Variants in BAZ2B observed in about 807,000 individuals in gnomAD.
The protein encoded by BAZ2B is bromodomain adjacent to zinc finger domain protein 2B.
BAZ2B carries 91 observed loss-of-function variants against 246.0 expected under a neutral mutation model. That is an observed-to-expected ratio of 0.37 (90% CI 0.31 to 0.44). The LOEUF (loss-of-function observed/expected upper bound fraction) is 0.44. Among genes scored for constraint, BAZ2B ranks in the 20% least tolerant of loss-of-function variants. The pLI, the probability that BAZ2B is intolerant of heterozygous loss-of-function variation, is 1.00. For synonymous variants in BAZ2B, 855 were observed against 860.0 expected, an observed-to-expected ratio of 0.99 and a Z score of 0.10; for missense variants, 2,332 against 2,533.7, an observed-to-expected ratio of 0.92 and a Z score of 1.71.
intron 25 of BAZ2B, among the ~76,000 whole-genome samples, chr2:159,379,757 T>C (rs2061787289): frequency 6.6e-6 from 1 of 152,218 alleles, no homozygotes. Flanking sequence ...CATTGATAAA[T>C]TCATCTCTCT....
intron 31 of BAZ2B, among the ~76,000 whole-genome samples, chr2:159,343,396 T>C (rs146090715): frequency 1.3e-4 from 19 of 151,970 alleles, no homozygotes; most frequent in African/African-American, 4.3e-4. Context: ...AATAAACAAA[T>C]GCAACTACAT....
At chr2:159,346,261 A>T (rs904823506) in intron 31 of BAZ2B, among the ~76,000 whole-genome samples, 2 of 152,244 alleles carry the variant, frequency 1.3e-5, no homozygotes, top group African/African-American at 4.8e-5. Context: ...GATCCTCAAA[A>T]GTGTCCAAAT....
intron 2 of BAZ2B, among the ~76,000 whole-genome samples, chr2:159,496,691 G>C (rs2081191933): frequency 6.7e-6 from 1 of 148,308 alleles, no homozygotes; most frequent in South Asian, 2.1e-4. Context: ...GCTGAGGCAG[G>C]AGAATCGCTT....
intron 17 of BAZ2B, among the ~76,000 whole-genome samples, chr2:159,399,172 G>A (rs2064547249): frequency 6.6e-6 from 1 of 152,122 alleles, no homozygotes; most frequent in Admixed American, 6.6e-5. Flanking sequence ...AAATAATTGA[G>A]TGTTTATGTT....
chr2:159,404,818 T>A, intron 16 of BAZ2B, 31 bp downstream of exon 16: 1 of 1,581,640 alleles, frequency 6.3e-7, no homozygotes, highest in Non-Finnish European at 8.6e-7. Flanking sequence ...AGTCCCATAT[T>A]TTAAAAGTCA....
rs546932199 is a variant in BAZ2B at position 159,356,034 on chromosome 2, C to T, written c.4214-5677G>A. ...CTCCGGTGCCTATGCCACCAGGGTCCTGGGTTTCAAGCACAAAACTGGGTG... is the reference window on the plus strand; with the variant it reads ...CTCCGGTGCCTATGCCACCAGGGTCTTGGGTTTCAAGCACAAAACTGGGTG... On this transcript the variant is annotated intron_variant, in intron 27 of 36. Coordinates refer to ENST00000392783, the MANE Select transcript of BAZ2B (RefSeq NM_013450.4). 2.6e-5 allele frequency among the ~76,000 whole-genome samples: 4 copies of T among 152,320 alleles called. No homozygotes were observed. The South Asian group carries it at 8.3e-4, about 32-fold the overall frequency.
chr2:159,357,323 A>G (rs2059220789), intron 27 of BAZ2B, among the ~76,000 whole-genome samples: 1 of 152,060 alleles, frequency 6.6e-6, no homozygotes, highest in Admixed American at 6.6e-5. Flanking sequence ...GAACTTCAGA[A>G]AGCACACACA....
intron 3 of BAZ2B, among the ~76,000 whole-genome samples, chr2:159,476,936 G>A (rs1273561087): frequency 6.6e-6 from 1 of 152,188 alleles, no homozygotes; most frequent in Non-Finnish European, 1.5e-5. Flanking sequence ...TTGCGTATAA[G>A]GGAAATGTGA....
intron 2 of BAZ2B, among the ~76,000 whole-genome samples, chr2:159,501,337 G>A (rs2081808143): frequency 7.0e-6 from 1 of 142,986 alleles, no homozygotes. Flanking sequence ...TGAGGCTGCA[G>A]TGGGCTGTGA....
intron 13 of BAZ2B, among the ~76,000 whole-genome samples, 181 bp from the exon 14 acceptor site, chr2:159,412,726 T>G (rs562075662): frequency 2.0e-5 from 3 of 152,354 alleles, no homozygotes; most frequent in Admixed American, 2.0e-4. Flanking sequence ...GCCTTTGGCA[T>G]AGCTTTAATA....
At chr2:159,697,151 G>C in the BAZ2B span, among the ~76,000 whole-genome samples, 2 of 152,098 alleles carry the variant, frequency 1.3e-5, no homozygotes, top group Admixed American at 6.6e-5. Flanking sequence ...GATTTTCAGA[G>C]TAATGCATTT....
chr2:159,619,712 T>C (rs1375934788), upstream of BAZ2B, among the ~76,000 whole-genome samples: 1 of 152,030 alleles, frequency 6.6e-6, no homozygotes, highest in Non-Finnish European at 1.5e-5. Flanking sequence ...CTCCAAGTAT[T>C]TGATACCTTC....
chr2:159,410,964 G>A (rs554590502), intron 14 of BAZ2B, among the ~76,000 whole-genome samples: 1 of 152,308 alleles, frequency 6.6e-6, no homozygotes, highest in South Asian at 2.1e-4. Flanking sequence ...GCATGTGTGT[G>A]TATGTGTGTA....
At chr2:159,513,426 C>A (rs1000298553) in intron 2 of BAZ2B, among the ~76,000 whole-genome samples, 3 of 152,024 alleles carry the variant, frequency 2.0e-5, no homozygotes, top group Non-Finnish European at 2.9e-5. Context: ...TGGGTTGTAC[C>A]CACTCTGTAA....
rs972151800 is a variant in BAZ2B, at chr2:159,428,389, A to G, written c.2286T>C (p.Phe762=). 1.9e-6 allele frequency: 3 copies of G among 1,613,198 alleles called. No homozygotes were observed. Among genetic ancestry groups the G allele is most frequent in the Admixed American group, 3.3e-5 (2 of 59,970 alleles). ...GWQRETRIRN[F]GGRLQGEVAY... ...CTACTTCTCCTTGAAGGCGCCCTCC[A>G]AAGTTTCTTATTCTTGTCTCTCTCT... Residue 762 remains phenylalanine (F), a synonymous_variant, in exon 12 of 37, where the codon TTT becomes TTC. Transcript: ENST00000392783.
At chr2:159,397,123 C>A (rs1043036938) in intron 19 of BAZ2B, 37 of 1,467,930 alleles carry the variant, frequency 2.5e-5, no homozygotes, top group Non-Finnish European at 3.3e-5. Context: ...GTTGGCACAA[C>A]ATTATGAAAC....
Position 159,349,857 on chromosome 2 carries a change from A to G in BAZ2B, c.4714T>C (p.Ser1572Pro). The change falls in exon 28 of 37, where the codon TCA (serine) becomes CCA (proline). Residue 1572 changes from serine (S) to proline (P), a missense_variant. Coordinates refer to ENST00000392783, the MANE Select transcript of BAZ2B (RefSeq NM_013450.4). The part of the protein sequence containing the change: ...LLPRTPCDDT[S>P]LTHADMSTAS... ...GTTGACATATCGGCATGAGTAAGTG[A>G]AGTGTCATCACAGGGTGTTCGTGGC... 1 of 1,614,192 alleles carries G rather than the reference A, an allele frequency of 6.2e-7. No homozygotes were observed.
At chr2:159,630,629 G>C in the BAZ2B span, among the ~76,000 whole-genome samples, 4 of 151,900 alleles carry the variant, frequency 2.6e-5, no homozygotes, top group African/African-American at 4.8e-5. Context: ...CGCCTCCCGG[G>C]TTCACGCCAT....
chr2:159,586,225 T>C (rs1687980449), intron 1 of BAZ2B, among the ~76,000 whole-genome samples: 1 of 152,222 alleles, frequency 6.6e-6, no homozygotes, highest in Non-Finnish European at 1.5e-5. Flanking sequence ...TAATTTTTTA[T>C]ATCTGACACA....
Sources: allele counts gnomAD v4.1 joint callset (sites outside exome capture counted in the v4.1 genomes callset), GRCh38; gene constraint gnomAD v4.1.1; transcripts MANE v1.5; gene names NCBI Gene and HGNC (gene_info 2026-07-23, HGNC 2026-07-21).